Variants in NMNAT2 observed in about 807,000 individuals in gnomAD.
NMNAT2 encodes nicotinamide/nicotinic acid mononucleotide adenylyltransferase 2.
In NMNAT2, 11 loss-of-function variants were observed where a neutral mutation model predicts 41.6. The ratio of observed to expected loss-of-function variants is 0.26; its 90% CI spans 0.17 to 0.44. The LOEUF (loss-of-function observed/expected upper bound fraction) is 0.44. Among genes scored for constraint, NMNAT2 ranks in the 20% least tolerant of loss-of-function variants. NMNAT2 has a pLI of 1.00. For synonymous variants in NMNAT2, 148 were observed against 151.2 expected, an observed-to-expected ratio of 0.98 and a Z score of 0.16; for missense variants, 288 against 407.7, an observed-to-expected ratio of 0.71 and a Z score of 2.53.
At position 183,248,896 on chromosome 1, in the gene NMNAT2, G is replaced by C. The variant is rs1660298432; in HGVS notation, c.*3745C>G. On this transcript the variant is annotated 3_prime_UTR_variant, in exon 11 of 11. Transcript: ENST00000287713. ...CTCTCTTAGTCCCCTAAAAGAGTGT[G>C]TGTGTGTGTGTGTGTGTGTGTGTGT... 1 of 124,294 alleles carries C rather than the reference G, an allele frequency of 8.0e-6. No homozygotes were observed. The highest frequency in any genetic ancestry group is 2.4e-4 in the South Asian group (1 of 4,118). The allele number at this position is 124,294 out of a possible 1,614,324, so 7.7% of individuals were successfully genotyped here. A position where few individuals can be genotyped will look rare whatever the true frequency, so the allele number is the denominator to read the frequency against.
intron 1 of NMNAT2, among the ~76,000 whole-genome samples, chr1:183,299,842 A>G (rs1661802409): frequency 1.3e-5 from 2 of 152,182 alleles, no homozygotes; most frequent in Admixed American, 1.3e-4. Context: ...AAGATAACAT[A>G]TAAACTATAC....
chr1:183,282,858 G>A (rs939598818), intron 7 of NMNAT2: 4 of 152,150 alleles, frequency 2.6e-5, no homozygotes, highest in African/African-American at 9.7e-5. Flanking sequence ...TAATCAAGAA[G>A]TGAGGAGTTT....
intron 3 of NMNAT2, 149 bp downstream of exon 3, chr1:183,292,641 C>T (rs1661574108): frequency 1.5e-6 from 1 of 689,138 alleles, no homozygotes; most frequent in Non-Finnish European, 2.6e-6. Context: ...CCCTGGAGGT[C>T]TACTTATTGC....
Position 183,250,108 on chromosome 1 carries a change from C to T in NMNAT2, c.*2533G>A, listed in dbSNP as rs961854384. On this transcript the variant is annotated 3_prime_UTR_variant, in exon 11 of 11. Transcript: ENST00000287713. ...TGGGTCCCATAAATTCCATCCATAA[C>T]TCCAAGTCCTTAAACAAGCCATGTT... The T allele has an allele frequency of 6.6e-6, 1 of 152,248 alleles. No individual in the cohort carries two copies. The highest frequency in any genetic ancestry group is 1.5e-5 in the Non-Finnish European group (1 of 68,072). 9.4% of individuals were successfully genotyped at this position (152,248 alleles called of 1,614,324 possible).
chr1:183,340,082 G>T (rs559232819), intron 1 of NMNAT2, among the ~76,000 whole-genome samples: 13 of 152,316 alleles, frequency 8.5e-5, no homozygotes, highest in African/African-American at 3.1e-4. Flanking sequence ...AAGGTCAATT[G>T]CCAATCAGCC....
chr1:183,285,142 C>T (rs1661370473), intron 5 of NMNAT2, among the ~76,000 whole-genome samples: 1 of 152,282 alleles, frequency 6.6e-6, no homozygotes, highest in African/African-American at 2.4e-5. Context: ...CTCCTGCCAA[C>T]CTGTTGGCAT....
intron 1 of NMNAT2, among the ~76,000 whole-genome samples, chr1:183,318,220 G>A (rs1202254100): frequency 2.0e-5 from 3 of 152,212 alleles, no homozygotes; most frequent in Non-Finnish European, 4.4e-5. Flanking sequence ...CAGTGACATG[G>A]CCTGAGCCCT....
intron 1 of NMNAT2, among the ~76,000 whole-genome samples, chr1:183,362,913 T>C (rs1354415412): frequency 6.6e-6 from 1 of 152,208 alleles, no homozygotes; most frequent in Non-Finnish European, 1.5e-5. Context: ...TCTCATACAA[T>C]TGTTGATACT....
Position 183,406,812 on chromosome 1 carries a change from C to CTT in NMNAT2, c.85+11369_85+11370dup, listed in dbSNP as rs58394186. Reference sequence around the variant, plus strand: ...AAGAAACTCAACTGCTCTGCCATTCCTTTTTTTTTTTTTTTTTTTTTTTTG... The same window carrying CTT: ...AAGAAACTCAACTGCTCTGCCATTCCTTTTTTTTTTTTTTTTTTTTTTTTTTG... On this transcript the variant is annotated intron_variant, in intron 1 of 10. Transcript: ENST00000287713. Among the ~76,000 whole-genome samples the CTT allele has an allele frequency of 4.5e-3, 396 of 88,638 alleles. 2 individuals carry two copies. Among genetic ancestry groups the CTT allele is most frequent in the African/African-American group, 8.2e-3 (193 of 23,394 alleles). The allele number at this position is 88,638 out of a possible 152,430, so 58.1% of individuals were successfully genotyped here.
At chr1:183,278,439 CG>C in intron 8 of NMNAT2, 113 bp downstream of exon 8, 1 of 680,946 alleles carries the variant, frequency 1.5e-6, no homozygotes, top group Non-Finnish European at 2.7e-6. Context: ...GTGATGTGAA[CG>C]GACTGCCCTC....
At chr1:183,297,724 C>T (rs983073281) in intron 1 of NMNAT2, among the ~76,000 whole-genome samples, 3 of 152,098 alleles carry the variant, frequency 2.0e-5, no homozygotes, top group Admixed American at 1.3e-4. Flanking sequence ...GCCAGTATTA[C>T]CCTGATATCA....
At chr1:183,302,924 C>T (rs1024090579) in intron 1 of NMNAT2, among the ~76,000 whole-genome samples, 8 of 152,174 alleles carry the variant, frequency 5.3e-5, no homozygotes, top group African/African-American at 1.7e-4. Flanking sequence ...ACTCAGTGTG[C>T]CCCGTCCTCT....
In NMNAT2 at chr1:183,284,682, C is replaced by T. The variant is rs374986958; in HGVS notation, c.529+28G>A. ...GAGGAGAGAAAGAAAAGAGACAGGA[C>T]TGGGAATCAAGTTCCTTGGTTCCTC... is the stretch of plus-strand genomic sequence containing the variant. On this transcript the variant is annotated intron_variant, in intron 6 of 10. Transcript: ENST00000287713. The T allele has an allele frequency of 1.5e-5, 24 of 1,576,978 alleles. No homozygotes were observed. The African/African-American group carries it at 1.6e-4, about 11-fold the overall frequency.
chr1:183,320,340 C>T (rs991804703), intron 1 of NMNAT2, among the ~76,000 whole-genome samples: 1 of 152,198 alleles, frequency 6.6e-6, no homozygotes, highest in Non-Finnish European at 1.5e-5. Flanking sequence ...CGGTGGCTCA[C>T]GCCTGTAATC....
chr1:183,312,599 T>G (rs1662149693), intron 1 of NMNAT2, among the ~76,000 whole-genome samples: 1 of 152,168 alleles, frequency 6.6e-6, no homozygotes, highest in Non-Finnish European at 1.5e-5. Flanking sequence ...TGGTGACAGT[T>G]TGTCAAGCTC....
intron 1 of NMNAT2, among the ~76,000 whole-genome samples, chr1:183,416,509 G>A (rs1310114416): frequency 1.3e-5 from 2 of 152,160 alleles, no homozygotes; most frequent in African/African-American, 2.4e-5. Context: ...AGTGTTCTTA[G>A]GGCACTGATA....
intron 1 of NMNAT2, among the ~76,000 whole-genome samples, chr1:183,336,232 A>G (rs1006627625): frequency 1.3e-5 from 2 of 152,240 alleles, no homozygotes; most frequent in Non-Finnish European, 2.9e-5. Flanking sequence ...CAAAAAGACA[A>G]ACAAGGCAAT....
chr1:183,412,681 T>C (rs1430931773), intron 1 of NMNAT2, among the ~76,000 whole-genome samples: 1 of 152,332 alleles, frequency 6.6e-6, no homozygotes, highest in Non-Finnish European at 1.5e-5. Context: ...TTAGTTATAT[T>C]TTGAAGATAA....
chr1:183,385,069 TA>T (rs1327972840), intron 1 of NMNAT2, among the ~76,000 whole-genome samples: 6 of 150,868 alleles, frequency 4.0e-5, no homozygotes, highest in East Asian at 2.0e-4. Flanking sequence ...AATTAAAAAT[TA>T]AAAAAAAATT....
Sources: gnomAD v4.1 joint callset for allele counts (sites outside exome capture counted in the v4.1 genomes callset) on GRCh38, gnomAD v4.1.1 for gene constraint, MANE v1.5 for transcripts, NCBI Gene and HGNC (gene_info 2026-07-23, HGNC 2026-07-21) for gene names.